The following FBN1 variants were observed in gnomAD, a reference collection of about 807,000 sequenced individuals.
The protein encoded by FBN1 is fibrillin 1, also known as fibrillin-1.
FBN1 carries 29 observed loss-of-function variants against 365.1 expected under a neutral mutation model. The observed-to-expected ratio is 0.08, with a 90% confidence interval of 0.06 to 0.11. The LOEUF (loss-of-function observed/expected upper bound fraction) is 0.11. Ranked by LOEUF, FBN1 falls within the 10% of genes least tolerant of loss-of-function variation. The pLI is 1.00. For synonymous variants in FBN1, 1,210 were observed against 1,270.5 expected, an observed-to-expected ratio of 0.95 and a Z score of 1.01; for missense variants, 2,476 against 3,703.2, an observed-to-expected ratio of 0.67 and a Z score of 8.60.
intron 2 of FBN1, chr15:48,642,458 A>C (rs931140834): frequency 6.6e-6 from 1 of 152,190 alleles, no homozygotes; most frequent in African/African-American, 2.4e-5. Flanking sequence ...AAGTAAGTAA[A>C]GTTCAGAATA....
intron 45 of FBN1, among the ~76,000 whole-genome samples, chr15:48,451,751 T>C (rs1167536332): frequency 1.3e-5 from 2 of 152,200 alleles, no homozygotes; most frequent in Admixed American, 6.5e-5. Context: ...TTGCTAAATA[T>C]ACAGATTCAG....
chr15:48,635,857 C>G (rs750005470), intron 2 of FBN1, among the ~76,000 whole-genome samples: 11 of 152,228 alleles, frequency 7.2e-5, no homozygotes, highest in Non-Finnish European at 1.3e-4. Context: ...TAACATGAAT[C>G]TAACAGAACA....
intron 2 of FBN1, among the ~76,000 whole-genome samples, chr15:48,636,560 TC>T (rs1161262156): frequency 6.6e-6 from 1 of 152,048 alleles, no homozygotes; most frequent in Non-Finnish European, 1.5e-5. Context: ...AATGGCTCCA[TC>T]CCGGGGGCAG....
At chr15:48,595,459 A>G (rs973717694) in intron 6 of FBN1, among the ~76,000 whole-genome samples, 67 of 152,338 alleles carry the variant, frequency 4.4e-4, no homozygotes, top group African/African-American at 1.5e-3. Context: ...AAAAATCTAT[A>G]AATGTAGAGA....
At chr15:48,630,681 G>A (rs1889968229) in intron 2 of FBN1, among the ~76,000 whole-genome samples, 1 of 135,422 alleles carries the variant, frequency 7.4e-6, no homozygotes, top group Admixed American at 9.0e-5. Flanking sequence ...GCAGTGAGCC[G>A]AGATTGTGCC....
At chr15:48,632,092 C>T (rs1889999170) in intron 2 of FBN1, among the ~76,000 whole-genome samples, 1 of 152,154 alleles carries the variant, frequency 6.6e-6, no homozygotes, top group African/African-American at 2.4e-5. Flanking sequence ...GAAGACAACA[C>T]AATTTAGGGA....
chr15:48,621,997 C>CAA (rs1390517856), intron 2 of FBN1, among the ~76,000 whole-genome samples: 4 of 91,928 alleles, frequency 4.4e-5, no homozygotes, highest in Admixed American at 1.1e-4. Context: ...GACTCTGTCT[C>CAA]AAAAAAAAAA....
intron 25 of FBN1, 100 bp from the exon 26 acceptor site, chr15:48,488,593 G>T: frequency 2.2e-6 from 3 of 1,381,532 alleles, no homozygotes; most frequent in South Asian, 1.2e-5. Flanking sequence ...GGAAGTTCTT[G>T]ATTTAAGGTC....
In FBN1 at chr15:48,415,602, C is replaced by A. The variant is rs751894266; in HGVS notation, c.7985G>T (p.Gly2662Val). The change falls in exon 64 of 66, where the codon GGC (glycine) becomes GTC (valine). Residue 2662 changes from glycine to valine, a missense_variant. Gly to Val is a moderately radical substitution (Grantham distance 109). Transcript: ENST00000316623. Reference protein sequence around the residue: ...CGSAQAPCSYGCSNTEGGYLC... With the variant: ...CGSAQAPCSYVCSNTEGGYLC... ...GTAACCGCCCTCGGTATTGGAACAG[C>A]CATAGCTGCAGGGGGCCTGCGCAGA... is the stretch of plus-strand genomic sequence containing the variant. 6.2e-7 allele frequency: 1 copy of A among 1,614,208 alleles called. No individual in the cohort carries two copies. Among genetic ancestry groups the A allele is most frequent in the South Asian group, 1.1e-5 (1 of 91,084 alleles).
At chr15:48,487,721 T>C (rs1402951464) in intron 27 of FBN1, among the ~76,000 whole-genome samples, 1 of 152,236 alleles carries the variant, frequency 6.6e-6, no homozygotes, top group East Asian at 1.9e-4. Context: ...ATACCACTTT[T>C]GCAAGAATCT....
At position 48,505,105 on chromosome 15, in the gene FBN1, C is replaced by T. The variant is rs746073643; in HGVS notation, c.1880G>A (p.Arg627His). 184 of 1,614,032 alleles carry T rather than the reference C, an allele frequency of 1.1e-4. No homozygotes were observed. Among genetic ancestry groups the T allele is most frequent in the Non-Finnish European group, 1.5e-4 (172 of 1,180,018 alleles). ...GTAGGAGCCATCAGTGTTGACGCAA[C>T]GCCCATTCATGCAGATCCCAGGGGT... The part of the protein sequence containing the change: ...CETPGICMNG[R>H]CVNTDGSYRC... The change falls in exon 16 of 66, where the codon CGT (arginine) becomes CAT (histidine). Residue 627 changes from arginine to histidine, a missense_variant. By Grantham distance (29) the Arg-to-His change is conservative (BLOSUM62 0). Transcript: ENST00000316623.
chr15:48,572,220 A>G (rs2044311269), intron 6 of FBN1, among the ~76,000 whole-genome samples: 1 of 152,174 alleles, frequency 6.6e-6, no homozygotes, highest in South Asian at 2.1e-4. Flanking sequence ...TAAGTAAAGG[A>G]TCGAAATGTT....
chr15:48,625,867 T>C (rs1459352813), intron 2 of FBN1, among the ~76,000 whole-genome samples: 3 of 152,148 alleles, frequency 2.0e-5, no homozygotes, highest in Non-Finnish European at 4.4e-5. Flanking sequence ...GTTCCTTAAA[T>C]ATAGCAAGTT....
At chr15:48,560,395 G>A (rs1053154507) in intron 6 of FBN1, among the ~76,000 whole-genome samples, 3 of 152,172 alleles carry the variant, frequency 2.0e-5, no homozygotes, top group African/African-American at 7.2e-5. Context: ...CTCAGAGGAT[G>A]TGGTAAGGAT....
At chr15:48,627,474 A>G (rs1889905844) in intron 2 of FBN1, among the ~76,000 whole-genome samples, 1 of 152,220 alleles carries the variant, frequency 6.6e-6, no homozygotes, top group Non-Finnish European at 1.5e-5. Flanking sequence ...ACCTACTCAG[A>G]GCTGGCATTG....
chr15:48,503,917 G>A lies in FBN1; in HGVS notation c.1983C>T (p.Cys661=), dbSNP rs765018527. ...ACTGGCCTCTCTTGTATCCACCATA[G>A]CATGTGCTCCGCATGTGTGTGTCTA... ...VCVDTHMRST[C]YGGYKRGQCI... is the part of the protein sequence containing the mutation. The change falls in exon 17 of 66, where the codon TGC becomes TGT. Residue 661 remains cysteine (C), a synonymous_variant. Coordinates refer to ENST00000316623, the MANE Select transcript of FBN1 (RefSeq NM_000138.5). 2 of 1,614,194 alleles carry A rather than the reference G, an allele frequency of 1.2e-6. No individual in the cohort carries two copies. Among genetic ancestry groups the A allele is most frequent in the South Asian group, 2.2e-5 (2 of 91,084 alleles).
At chr15:48,485,703 A>T (rs1187682620) in intron 29 of FBN1, among the ~76,000 whole-genome samples, 1 of 152,064 alleles carries the variant, frequency 6.6e-6, no homozygotes, top group African/African-American at 2.4e-5. Flanking sequence ...GCTCTCTTTC[A>T]CCCTCGTGCT....
At chr15:48,634,352 C>T (rs1019144030) in intron 2 of FBN1, among the ~76,000 whole-genome samples, 3 of 152,284 alleles carry the variant, frequency 2.0e-5, no homozygotes, top group African/African-American at 7.2e-5. Flanking sequence ...CTTTTATGTC[C>T]TGACTCTCCT....
In FBN1 at chr15:48,596,296, G is replaced by A; in HGVS notation, c.525C>T (p.Pro175=). 6.2e-7 allele frequency: 1 copy of A among 1,613,836 alleles called. No individual in the cohort carries two copies. The highest frequency in any genetic ancestry group is 8.5e-7 in the Non-Finnish European group (1 of 1,179,790). The change falls in exon 6 of 66, where the codon CCC becomes CCT. Residue 175 remains proline, a synonymous_variant. Coordinates refer to ENST00000316623, the MANE Select transcript of FBN1 (RefSeq NM_000138.5). ...AAAAACCATTACCTCTTTCACACTG[G>A]GGTCCAGTAAATCCGTAAGTGCATG... is the stretch of plus-strand genomic sequence containing the variant. ...RCACTYGFTG[P]QCERDYRTGP... is the part of the protein sequence containing the mutation.
Sources: allele counts gnomAD v4.1 joint callset (sites outside exome capture counted in the v4.1 genomes callset), GRCh38; gene constraint gnomAD v4.1.1; transcripts MANE v1.5; gene names NCBI Gene and HGNC (gene_info 2026-07-23, HGNC 2026-07-21).